Variants in SYT16 observed in about 807,000 individuals in gnomAD.
SYT16 encodes the protein synaptotagmin 16.
In SYT16, 42 loss-of-function variants were observed where a neutral mutation model predicts 61.4. The observed-to-expected ratio is 0.68, with a 90% CI of 0.53 to 0.89. SYT16 has a LOEUF of 0.89. Among genes scored for constraint, SYT16 ranks in the 40% least tolerant of loss-of-function variants. The pLI is 0.00. For synonymous variants in SYT16, 314 were observed against 302.3 expected (o/e 1.04, Z -0.40); for missense variants, 804 against 807.3 (o/e 1.00, Z 0.05).
At chr14:61,983,310 G>A (rs2140570105) in intron 2 of SYT16, among the ~76,000 whole-genome samples, 1 of 152,272 alleles carries the variant, frequency 6.6e-6, no homozygotes, top group South Asian at 2.1e-4. Context: ...TACTTAAGGA[G>A]CAAATACCTT....
intron 6 of SYT16, among the ~76,000 whole-genome samples, chr14:62,082,623 A>G (rs1236247502): frequency 6.6e-6 from 1 of 152,188 alleles, no homozygotes; most frequent in East Asian, 1.9e-4. Context: ...TATAAGCCAG[A>G]TGATGTCTCA....
chr14:62,056,512 A>G (rs2055562962), intron 3 of SYT16, among the ~76,000 whole-genome samples: 1 of 152,216 alleles, frequency 6.6e-6, no homozygotes, highest in South Asian at 2.1e-4. Context: ...TTCCGGATGA[A>G]TCCCACCTGT....
Position 62,108,927 on chromosome 14 carries a change from T to G in SYT16, c.*8220T>G, listed in dbSNP as rs2057557286. On this transcript the variant is annotated 3_prime_UTR_variant, in exon 8 of 8. Transcript: ENST00000683842. ...GTTCACAGCAAAATTGATCCTAAAA[T>G]ATAGAGTTCTCATATACTCCAAACA... The G allele has an allele frequency of 6.6e-6, 1 of 152,176 alleles. No homozygotes were observed. The highest frequency in any genetic ancestry group is 1.5e-5 in the Non-Finnish European group (1 of 68,040). The allele number at this position is 152,176 out of a possible 1,614,324, so 9.4% of individuals were successfully genotyped here.
intron 3 of SYT16, among the ~76,000 whole-genome samples, chr14:62,008,141 C>G (rs1235907434): frequency 1.3e-5 from 2 of 151,680 alleles, no homozygotes; most frequent in African/African-American, 2.4e-5. Context: ...AGATATTATC[C>G]TCTTCTTCCC....
chr14:62,012,543 G>GA (rs1397771395), intron 3 of SYT16, among the ~76,000 whole-genome samples: 1 of 152,222 alleles, frequency 6.6e-6, no homozygotes, highest in East Asian at 1.9e-4. Context: ...CATCAGTGCT[G>GA]AAGGGGGAGG....
At chr14:61,845,240 G>T (rs778165712) in intron 1 of SYT16, among the ~76,000 whole-genome samples, 9 of 151,830 alleles carry the variant, frequency 5.9e-5, no homozygotes, top group Non-Finnish European at 1.0e-4. Flanking sequence ...GTAGAGACGG[G>T]GCTTCACCAT....
chr14:62,044,876 A>G (rs2140863748), intron 3 of SYT16, among the ~76,000 whole-genome samples: 5 of 152,292 alleles, frequency 3.3e-5, no homozygotes, highest in African/African-American at 1.2e-4. Context: ...GCAGTGGCTC[A>G]CGCCTGTAAT....
At chr14:61,954,329 C>T (rs1321196776) in intron 1 of SYT16, among the ~76,000 whole-genome samples, 10 of 148,198 alleles carry the variant, frequency 6.7e-5, no homozygotes, top group African/African-American at 2.5e-5. Flanking sequence ...TTTTTTTACC[C>T]CTTCACCAAC....
chr14:62,087,464 A>T (rs1007155018), intron 7 of SYT16, among the ~76,000 whole-genome samples: 1 of 152,208 alleles, frequency 6.6e-6, no homozygotes, highest in Non-Finnish European at 1.5e-5. Flanking sequence ...CTCTTCCGTG[A>T]CCTCAATCAT....
intron 3 of SYT16, among the ~76,000 whole-genome samples, chr14:62,018,577 G>A (rs549594107): frequency 6.6e-6 from 1 of 152,106 alleles, no homozygotes; most frequent in African/African-American, 2.4e-5. Context: ...AAAGTGCTGG[G>A]ATTACAGGCA....
intron 1 of SYT16, among the ~76,000 whole-genome samples, chr14:61,908,304 C>T (rs79920562): frequency 0.01 from 1,566 of 152,332 alleles, 13 homozygotes; most frequent in Non-Finnish European, 0.018. Flanking sequence ...CAGTGATTCA[C>T]GAATTTGTCT....
chr14:62,097,950 CATT>C (rs2057319970), intron 7 of SYT16, among the ~76,000 whole-genome samples: 1 of 152,224 alleles, frequency 6.6e-6, no homozygotes, highest in Non-Finnish European at 1.5e-5. Flanking sequence ...TCCACTCCCT[CATT>C]GTTGGTTTTC....
At chr14:62,043,401 TTC>T (rs1449357019) in intron 3 of SYT16, among the ~76,000 whole-genome samples, 3 of 146,642 alleles carry the variant, frequency 2.0e-5, no homozygotes, top group Non-Finnish European at 3.0e-5. Context: ...GTTGAAATTT[TTC>T]TTTCTTTTTT....
intron 4 of SYT16, among the ~76,000 whole-genome samples, chr14:62,070,827 G>A (rs770420322): frequency 2.0e-5 from 3 of 152,094 alleles, no homozygotes. Context: ...TGGGAAGGTG[G>A]TCAGTCAAAT....
At position 62,100,394 on chromosome 14, in the gene SYT16, A is replaced by G. The variant is rs764011634; in HGVS notation, c.1625A>G (p.Asp542Gly). ...FRNLAVNRAP[D>G]TYGKLFLLNS... Reference sequence around the variant, plus strand: ...CCCCACCCTTTTTTTTTTGTCTTAGATACATATGGAAAACTCTTTCTCCTC... The same window carrying G: ...CCCCACCCTTTTTTTTTTGTCTTAGGTACATATGGAAAACTCTTTCTCCTC... The change falls in exon 8 of 8, where the codon GAT (aspartate) becomes GGT (glycine). Residue 542 changes from aspartate (D) to glycine (G), a missense_variant and splice_region_variant. Physicochemically the swap from Asp to Gly is moderately conservative, Grantham distance 94. Transcript: ENST00000683842. 2.1e-5 allele frequency: 33 copies of G among 1,591,136 alleles called. No individual in the cohort carries two copies. Among genetic ancestry groups the G allele is most frequent in the Non-Finnish European group, 2.6e-5 (30 of 1,168,656 alleles).
chr14:61,948,270 C>T (rs547164444), intron 1 of SYT16, among the ~76,000 whole-genome samples: 8 of 152,050 alleles, frequency 5.3e-5, no homozygotes, highest in East Asian at 1.9e-4. Flanking sequence ...CAGCCATGTT[C>T]GTGAAATCAT....
Position 61,996,195 on chromosome 14 carries a change from A to G in SYT16, c.176A>G (p.Asn59Ser), listed in dbSNP as rs749562729. The G allele has an allele frequency of 6.2e-7, 1 of 1,613,558 alleles. No individual in the cohort carries two copies. The part of the protein sequence containing the change: ...LSDKLDQDLD[N>S]IQIQETYFED... ...GACAAACTAGATCAGGACTTAGATA[A>G]TATTCAGATTCAGGAAACGTACTTT... Residue 59 changes from asparagine to serine, a missense_variant, in exon 3 of 8, where the codon AAT (asparagine) becomes AGT (serine). Transcript: ENST00000683842.
chr14:61,991,008 C>G lies in SYT16; in HGVS notation c.-144-4868C>G, dbSNP rs889311428. 5.9e-5 allele frequency among the ~76,000 whole-genome samples: 9 copies of G among 152,016 alleles called. No homozygotes were observed. The East Asian group carries it at 9.6e-4, about 16-fold the overall frequency. On this transcript the variant is annotated intron_variant, in intron 2 of 7. Transcript: ENST00000683842. ...TTAAACCAAGATTTTAAAAAAGTAG[C>G]CTTTAAGAATATATTTATTTATGGC... is the stretch of plus-strand genomic sequence containing the variant.
chr14:61,886,165 C>T (rs1414123099), intron 1 of SYT16, among the ~76,000 whole-genome samples: 1 of 152,012 alleles, frequency 6.6e-6, no homozygotes, highest in Non-Finnish European at 1.5e-5. Flanking sequence ...GGAGTTTCAC[C>T]ATGTTGGCCA....
Sources: allele counts gnomAD v4.1 joint callset (sites outside exome capture counted in the v4.1 genomes callset), GRCh38; gene constraint gnomAD v4.1.1; transcripts MANE v1.5; gene names NCBI Gene and HGNC (gene_info 2026-07-23, HGNC 2026-07-21).